PCDH19: variants seen among roughly 807,000 people sequenced by gnomAD.
The protein encoded by PCDH19 is protocadherin-19.
PCDH19 carries 6 observed loss-of-function variants against 46.2 expected under a neutral mutation model. The observed-to-expected ratio is 0.13, with a 90% CI of 0.07 to 0.26. The LOEUF (loss-of-function observed/expected upper bound fraction) is 0.26, where lower values mean the gene tolerates loss of function less well. PCDH19 is among the 10% of genes least tolerant of loss of function. The pLI is 1.00. For missense variants in PCDH19, 740 were observed against 972.3 expected, an observed-to-expected ratio of 0.76 and a Z score of 3.18; for synonymous variants, 481 against 415.7, an observed-to-expected ratio of 1.16 and a Z score of -1.91.
At chrX:100,333,183 G>GAGAAAGAAAGAAAGAAAGAA (rs755008766) in intron 5 of PCDH19, among the ~76,000 whole-genome samples, 2 of 43,467 alleles carry the variant, frequency 4.6e-5, no homozygotes, top group East Asian at 1.1e-3. Context: ...GGGAGAGAGA[G>GAGAAAGAAAGAAAGAAAGAA]AGAAAGAAAG....
intron 3 of PCDH19, among the ~76,000 whole-genome samples, chrX:100,385,724 G>A (rs935177244): frequency 4.5e-5 from 5 of 110,814 alleles, no homozygotes; most frequent in African/African-American, 1.6e-4. Flanking sequence ...GCGAAACCCC[G>A]TCTCACTAAA....
chrX:100,391,837 C>CTA (rs1259983799), intron 3 of PCDH19, among the ~76,000 whole-genome samples: 1 of 111,997 alleles, frequency 8.9e-6, no homozygotes, highest in Non-Finnish European at 1.9e-5. Context: ...GTGATCTCCC[C>CTA]TACCTCAGAA....
intron 5 of PCDH19, among the ~76,000 whole-genome samples, chrX:100,298,872 G>A (rs886077002): frequency 9.0e-6 from 1 of 111,490 alleles, no homozygotes; most frequent in African/African-American, 3.3e-5. Flanking sequence ...TCCAAATATA[G>A]TGCTTTCCAC....
intron 3 of PCDH19, among the ~76,000 whole-genome samples, chrX:100,360,376 T>C (rs1444600927): frequency 8.9e-6 from 1 of 112,367 alleles, no homozygotes; most frequent in East Asian, 2.8e-4. Flanking sequence ...GCTTCTAATA[T>C]TGATGTTTTC....
intron 3 of PCDH19, among the ~76,000 whole-genome samples, chrX:100,385,861 T>G (rs765475929): frequency 4.6e-4 from 51 of 110,879 alleles, no homozygotes; most frequent in Non-Finnish European, 8.1e-4. Flanking sequence ...GCCACTGTAC[T>G]CCAGCCTGGG....
In PCDH19 at chrX:100,408,025, C is replaced by G. The variant is rs766347338; in HGVS notation, c.573G>C (p.Val191=). ...TCTCGCGGTCCAGGCTCTTTTCCAC[C>G]ACGAGTTCGGCAAAGCGGGAGCCGT... ...RGDGSRFAEL[V]VEKSLDRETQ... is the part of the protein sequence containing the mutation. The change falls in exon 1 of 6, where the codon GTG becomes GTC. Residue 191 remains valine, a synonymous_variant. Transcript: ENST00000373034. The G allele has an allele frequency of 7.6e-5, 92 of 1,207,338 alleles. No individual in the cohort carries two copies. Among genetic ancestry groups the G allele is most frequent in the Non-Finnish European group, 9.9e-5 (89 of 895,499 alleles).
chrX:100,301,479 G>C (rs746361336), intron 5 of PCDH19, among the ~76,000 whole-genome samples: 1 of 112,216 alleles, frequency 8.9e-6, no homozygotes, highest in Non-Finnish European at 1.9e-5. Flanking sequence ...AAAAGTTAAA[G>C]TGAGTTCCAG....
At chrX:100,406,352 T>C (rs1280991608) in intron 1 of PCDH19, 99 bp downstream of exon 1, 1 of 650,595 alleles carries the variant, frequency 1.5e-6, no homozygotes, top group African/African-American at 2.2e-5. Context: ...GTATGCTGCA[T>C]GCATTTAAGT....
rs1297347393 is a variant in PCDH19, at chrX:100,408,742, G to C, written c.-145C>G. The C allele has an allele frequency of 9.0e-6, 3 of 331,901 alleles. No homozygotes were observed. Among genetic ancestry groups the C allele is most frequent in the Non-Finnish European group, 1.4e-5 (3 of 213,504 alleles). 27.4% of individuals were successfully genotyped at this position (331,901 alleles called of 1,213,427 possible). A position where few individuals can be genotyped will look rare whatever the true frequency, so the allele number is the denominator to read the frequency against. ...CCGCGGGAGAAGTCCCGCCCAGGGC[G>C]GCCCGGCGGCGCGCGGGGGACACCC... On this transcript the variant is annotated 5_prime_UTR_variant, in exon 1 of 6. Coordinates refer to ENST00000373034, the MANE Select transcript of PCDH19 (RefSeq NM_001184880.2).
intron 3 of PCDH19, among the ~76,000 whole-genome samples, chrX:100,379,855 A>T (rs1927500006): frequency 1.8e-5 from 2 of 111,494 alleles, no homozygotes; most frequent in Non-Finnish European, 3.8e-5. Context: ...GCCCTAAAAC[A>T]CTATCTTACT....
In PCDH19 at chrX:100,296,548, C is replaced by A; in HGVS notation, c.3176G>T (p.Cys1059Phe). 2.5e-6 allele frequency: 3 copies of A among 1,211,191 alleles called. No individual in the cohort carries two copies. Among genetic ancestry groups the A allele is most frequent in the Non-Finnish European group, 3.4e-6 (3 of 895,200 alleles). ...GGAGGTGACAGGGCTAATCGCCTCA[C>A]AGCCATTGCCTGCCTCCCGGATAAC... ...NSVIREAGNG[C>F]EAISPVTSPL... is the part of the protein sequence containing the mutation. The change falls in exon 6 of 6, where the codon TGT becomes TTT. Residue 1059 changes from cysteine to phenylalanine, a missense_variant. Around this residue, in one of 5 missense-constraint regions of PCDH19, gnomAD observed 416 missense variants for 476.8 expected, o/e 0.87. Coordinates refer to ENST00000373034, the MANE Select transcript of PCDH19 (RefSeq NM_001184880.2).
At chrX:100,370,169 T>A (rs761933287) in intron 3 of PCDH19, among the ~76,000 whole-genome samples, 1 of 112,044 alleles carries the variant, frequency 8.9e-6, no homozygotes, top group Non-Finnish European at 1.9e-5. Context: ...GTGTTACCAA[T>A]GCACACAGAT....
At chrX:100,340,098 G>T (rs1250373621) in intron 5 of PCDH19, among the ~76,000 whole-genome samples, 1 of 111,106 alleles carries the variant, frequency 9.0e-6, no homozygotes, top group African/African-American at 3.3e-5. Flanking sequence ...GGAGACTGGT[G>T]GTCTCTACCT....
rs773087045 is a variant in PCDH19, at chrX:100,407,121, C to T, written c.1477G>A (p.Val493Met). ...GLNGSVSYQI[V>M]PSQVRDMPVF... The stretch of plus-strand genomic sequence containing the variant: ...GGCATGTCCCGCACCTGCGACGGCA[C>T]GATCTGGTAGGAGACACTGCCGTTG... Residue 493 changes from valine (V) to methionine (M), a missense_variant, in exon 1 of 6, where the codon GTG becomes ATG. Val to Met is a conservative substitution (Grantham distance 21, BLOSUM62 1). Coordinates refer to ENST00000373034, the MANE Select transcript of PCDH19 (RefSeq NM_001184880.2). 6.9e-5 allele frequency: 83 copies of T among 1,210,449 alleles called. No homozygotes were observed. The highest frequency in any genetic ancestry group is 8.9e-5 in the Non-Finnish European group (80 of 895,304).
At chrX:100,353,637 C>A (rs1286131253) in intron 3 of PCDH19, among the ~76,000 whole-genome samples, 1 of 111,894 alleles carries the variant, frequency 8.9e-6, no homozygotes, top group Admixed American at 9.5e-5. Context: ...CTTAACAATT[C>A]TTCCCCCAAA....
chrX:100,393,916 A>G (rs1261059620), intron 3 of PCDH19, among the ~76,000 whole-genome samples: 2 of 112,488 alleles, frequency 1.8e-5, no homozygotes, highest in Non-Finnish European at 3.8e-5. Context: ...CTGTAATCCC[A>G]GCACTTTGGG....
At chrX:100,341,778 G>T in intron 5 of PCDH19, 125 bp downstream of exon 5, 1 of 597,965 alleles carries the variant, frequency 1.7e-6, no homozygotes, top group Non-Finnish European at 2.8e-6. Flanking sequence ...TGTAGATGCT[G>T]CTGAGGTGTG....
In PCDH19 at chrX:100,365,642, G is replaced by A. The variant is rs768751340; in HGVS notation, c.2617-14938C>T. ...ATGAACAATCACAGAATATATACTCGTAAAGCATTAAAATTCAATATGACC... is the reference window on the plus strand; with the variant it reads ...ATGAACAATCACAGAATATATACTCATAAAGCATTAAAATTCAATATGACC... On this transcript the variant is annotated intron_variant, in intron 3 of 5. Transcript: ENST00000373034. Among the ~76,000 whole-genome samples the A allele has an allele frequency of 6.3e-5, 7 of 111,297 alleles. No homozygotes were observed. In the South Asian group the frequency reaches 2.7e-3, roughly 42 times the overall value.
At chrX:100,353,162 T>C (rs780422505) in intron 3 of PCDH19, among the ~76,000 whole-genome samples, 4 of 111,987 alleles carry the variant, frequency 3.6e-5, no homozygotes, top group Admixed American at 1.9e-4. Flanking sequence ...TTTGACCTCA[T>C]TCAGGCAATA....
Sources: gnomAD v4.1 joint callset for allele counts (sites outside exome capture counted in the v4.1 genomes callset) on GRCh38, gnomAD v4.1.1 for gene constraint, gnomAD v4.1.1 regional missense constraint, MANE v1.5 for transcripts, NCBI Gene and HGNC (gene_info 2026-07-23, HGNC 2026-07-21) for gene names.